Variants in KCMF1 observed in about 807,000 individuals in gnomAD.
The protein encoded by KCMF1 is E3 ubiquitin-protein ligase KCMF1.
In KCMF1, 3 loss-of-function variants were observed where a neutral mutation model predicts 41.1. The ratio of observed to expected loss-of-function variants is 0.07; its 90% CI spans 0.03 to 0.19. The LOEUF is 0.19. Ranked by LOEUF, KCMF1 falls within the 10% of genes least tolerant of loss-of-function variation. KCMF1 has a pLI of 1.00. For missense variants in KCMF1, 286 were observed against 488.9 expected, an observed-to-expected ratio of 0.58 and a Z score of 3.91; for synonymous variants, 142 against 164.5, an observed-to-expected ratio of 0.86 and a Z score of 1.04.
chr2:84,978,197 A>G (rs966256843), intron 1 of KCMF1, among the ~76,000 whole-genome samples: 2 of 151,902 alleles, frequency 1.3e-5, no homozygotes, highest in African/African-American at 2.4e-5. Context: ...GGGTTTCTCC[A>G]TGTTAGTCAG....
intron 1 of KCMF1, among the ~76,000 whole-genome samples, chr2:85,005,503 T>C (rs1574019027): frequency 6.6e-6 from 1 of 151,528 alleles, no homozygotes; most frequent in East Asian, 1.9e-4. Flanking sequence ...TTAGCCAGGA[T>C]GGTCTCGAAC....
intron 1 of KCMF1, among the ~76,000 whole-genome samples, chr2:85,008,151 C>T (rs1258874533): frequency 1.3e-5 from 2 of 148,962 alleles, no homozygotes; most frequent in Admixed American, 1.4e-4. Flanking sequence ...TGAGGTTCCT[C>T]TGAGCCTCTG....
rs118174559 is a variant in KCMF1 at position 85,031,247 on chromosome 2, T to A, written c.184+3191T>A. On this transcript the variant is annotated intron_variant, in intron 2 of 6. Transcript: ENST00000409785. ...GGAGAGTATTGCCATCTTAATAATA[T>A]TAAATCTGCTGATACATGAACATGG... 2.3e-4 allele frequency among the ~76,000 whole-genome samples: 35 copies of A among 152,366 alleles called. No homozygotes were observed. In the East Asian group the frequency reaches 5.4e-3, roughly 23 times the overall value.
At chr2:85,042,826 C>T (rs1675572193) in intron 3 of KCMF1, among the ~76,000 whole-genome samples, 2 of 152,136 alleles carry the variant, frequency 1.3e-5, no homozygotes, top group Admixed American at 1.3e-4. Context: ...ATAGAAACCA[C>T]CTTCCCAACC....
chr2:84,979,579 T>C (rs983694027), intron 1 of KCMF1, among the ~76,000 whole-genome samples: 2 of 151,860 alleles, frequency 1.3e-5, no homozygotes, highest in African/African-American at 4.8e-5. Flanking sequence ...TTCATGCATA[T>C]GGACTCAAAG....
intron 1 of KCMF1, among the ~76,000 whole-genome samples, chr2:85,023,078 G>C (rs368027547): frequency 6.6e-6 from 1 of 151,304 alleles, no homozygotes; most frequent in African/African-American, 2.4e-5. Flanking sequence ...TAGTAGAGAC[G>C]GGGTTTCACT....
intron 1 of KCMF1, among the ~76,000 whole-genome samples, chr2:84,973,391 GT>G (rs1421745154): frequency 6.6e-6 from 1 of 152,224 alleles, no homozygotes; most frequent in East Asian, 1.9e-4. Flanking sequence ...GCAAAGGTGT[GT>G]GGTTATGAAA....
intron 1 of KCMF1, among the ~76,000 whole-genome samples, chr2:85,012,242 A>G (rs1266390725): frequency 1.3e-5 from 2 of 152,184 alleles, no homozygotes; most frequent in African/African-American, 4.8e-5. Flanking sequence ...GTATTTGTTT[A>G]CATGCTCTTA....
intron 1 of KCMF1, among the ~76,000 whole-genome samples, chr2:84,973,825 C>CTTTTTTTTTTTTTT (rs1238178193): frequency 5.4e-5 from 6 of 110,278 alleles, no homozygotes; most frequent in Non-Finnish European, 9.4e-5. Context: ...TTATTTCTTT[C>CTTTTTTTTTTTTTT]TTTTTTTTTT....
intron 2 of KCMF1, among the ~76,000 whole-genome samples, chr2:85,032,965 A>G (rs2104036927): frequency 6.6e-6 from 1 of 152,316 alleles, no homozygotes; most frequent in Admixed American, 6.5e-5. Context: ...TAGGAGTGGC[A>G]AGAGTGGACA....
intron 1 of KCMF1, among the ~76,000 whole-genome samples, chr2:84,993,458 C>G (rs1442080209): frequency 6.6e-6 from 1 of 151,940 alleles, no homozygotes; most frequent in East Asian, 1.9e-4. Flanking sequence ...TTGTATGGAC[C>G]GAGATTAACA....
At chr2:85,018,795 AT>A (rs34627507) in intron 1 of KCMF1, among the ~76,000 whole-genome samples, 1,665 of 73,674 alleles carry the variant, frequency 0.023, 1 homozygote, top group African/African-American at 0.03. Flanking sequence ...CAGAACTTTG[AT>A]TTTTTTTTTT....
intron 1 of KCMF1, among the ~76,000 whole-genome samples, chr2:84,984,565 A>G (rs1673851501): frequency 6.6e-6 from 1 of 152,100 alleles, no homozygotes; most frequent in South Asian, 2.1e-4. Context: ...TCACACCTGT[A>G]ATCCCAGCAC....
At chr2:84,973,270 T>G (rs1237653246) in intron 1 of KCMF1, among the ~76,000 whole-genome samples, 1 of 152,178 alleles carries the variant, frequency 6.6e-6, no homozygotes, top group Non-Finnish European at 1.5e-5. Flanking sequence ...GGGAAGAAAA[T>G]TCCTTCACCC....
At chr2:84,975,040 T>C (rs1231608869) in intron 1 of KCMF1, among the ~76,000 whole-genome samples, 1 of 152,234 alleles carries the variant, frequency 6.6e-6, no homozygotes, top group African/African-American at 2.4e-5. Flanking sequence ...TCATGAAATA[T>C]GATTTGTCAT....
intron 1 of KCMF1, among the ~76,000 whole-genome samples, chr2:84,985,606 G>A (rs1319526556): frequency 2.0e-5 from 3 of 151,750 alleles, no homozygotes; most frequent in South Asian, 2.1e-4. Flanking sequence ...CCAGGCAGGC[G>A]GCTCACGAGG....
intron 1 of KCMF1, among the ~76,000 whole-genome samples, chr2:85,014,712 C>CGTGT (rs1558575761): frequency 6.9e-6 from 1 of 145,672 alleles, no homozygotes; most frequent in Non-Finnish European, 1.5e-5. Context: ...CGCGCGCGTG[C>CGTGT]GTGCGTGCGT....
intron 1 of KCMF1, among the ~76,000 whole-genome samples, chr2:85,017,469 G>C (rs1006067548): frequency 6.6e-6 from 1 of 151,914 alleles, no homozygotes; most frequent in African/African-American, 2.4e-5. Context: ...GATACACACC[G>C]TTTTTTAAAA....
intron 1 of KCMF1, among the ~76,000 whole-genome samples, chr2:84,982,389 C>CTTTTTTTTGTTTTTTTTTT (rs1673784325): frequency 2.1e-5 from 1 of 47,254 alleles, no homozygotes; most frequent in African/African-American, 8.9e-5. Flanking sequence ...TCCTTATTTT[C>CTTTTTTTTGTTTTTTTTTT]TTTTTTTTTT....
Sources: gnomAD v4.1 joint callset for allele counts (sites outside exome capture counted in the v4.1 genomes callset) on GRCh38, gnomAD v4.1.1 for gene constraint, MANE v1.5 for transcripts, NCBI Gene and HGNC (gene_info 2026-07-23, HGNC 2026-07-21) for gene names.